Variants in DDX1 observed in about 807,000 individuals in gnomAD.
The protein encoded by DDX1 is ATP-dependent RNA helicase DDX1.
DDX1 carries 28 observed loss-of-function variants against 108.7 expected under a neutral mutation model. That is an observed-to-expected ratio of 0.26 (90% CI 0.19 to 0.35). The LOEUF (loss-of-function observed/expected upper bound fraction) is 0.35. Ranked by LOEUF, DDX1 falls within the 10% of genes least tolerant of loss-of-function variation. The probability of loss-of-function intolerance (pLI) is 1.00; values close to 1 mark genes in which losing one functional copy is unlikely to be tolerated. For missense variants in DDX1, 710 were observed against 884.5 expected (o/e 0.80, Z 2.50); for synonymous variants, 295 against 288.9 (o/e 1.02, Z -0.21).
chr2:15,603,463 T>C (rs1665618483), intron 8 of DDX1, among the ~76,000 whole-genome samples, 188 bp downstream of exon 8: 1 of 152,206 alleles, frequency 6.6e-6, no homozygotes, highest in Non-Finnish European at 1.5e-5. Context: ...GTACAGATAT[T>C]ATAGCAGTAT....
In DDX1 at chr2:15,627,151, G is replaced by A. The variant is rs1225630892; in HGVS notation, c.1686+6G>A. The A allele has an allele frequency of 6.5e-7, 1 of 1,533,312 alleles. No homozygotes were observed. The highest frequency in any genetic ancestry group is 1.4e-5 in the African/African-American group (1 of 73,036). The allele number at this position is 1,533,312 out of a possible 1,614,324, so 95.0% of individuals were successfully genotyped here. The stretch of plus-strand genomic sequence containing the variant: ...AAAACTTGGAAAGATTTAAGGTACT[G>A]ATACATAGTTGATTGTTTCCTTAAT... On this transcript the variant is annotated splice_donor_region_variant and intron_variant, in intron 20 of 25. Transcript: ENST00000233084.
chr2:15,613,998 G>A (rs1042896516), intron 14 of DDX1, among the ~76,000 whole-genome samples: 2 of 152,010 alleles, frequency 1.3e-5, no homozygotes, highest in African/African-American at 4.8e-5. Flanking sequence ...CACCATGTTG[G>A]CTGATTTTTT....
At position 15,611,310 on chromosome 2, in the gene DDX1, C is replaced by T. The variant is rs866378785; in HGVS notation, c.957-1914C>T. On this transcript the variant is annotated intron_variant, in intron 13 of 25. Transcript: ENST00000233084. ...CTACTACACAAACACGGCAACCATC[C>T]GATTTCCCACTCTTTTCCCCACCTC... 2.1e-3 allele frequency among the ~76,000 whole-genome samples: 301 copies of T among 142,102 alleles called. 4 individuals are homozygous for T. Among genetic ancestry groups the T allele is most frequent in the African/African-American group, 8.2e-3 (285 of 34,642 alleles). The allele number at this position is 142,102 out of a possible 152,430, so 93.2% of individuals were successfully genotyped here. A position where few individuals can be genotyped will look rare whatever the true frequency, so the allele number is the denominator to read the frequency against.
intron 19 of DDX1, 57 bp downstream of exon 19, chr2:15,623,639 A>G: frequency 1.4e-6 from 2 of 1,448,564 alleles, no homozygotes. Context: ...ATAGATTATT[A>G]ATCTCATGTT....
intron 19 of DDX1, among the ~76,000 whole-genome samples, chr2:15,625,954 GTACT>G (rs372146859): frequency 6.3e-4 from 96 of 151,808 alleles, no homozygotes; most frequent in African/African-American, 2.2e-3. Context: ...CTGTTTTGTA[GTACT>G]TAATTTTCTT....
chr2:15,596,637 C>G, intron 3 of DDX1, 97 bp from the exon 4 acceptor site: 1 of 1,033,282 alleles, frequency 9.7e-7, no homozygotes, highest in East Asian at 2.4e-5. Context: ...TAAAGGTAGC[C>G]AGTCAAATGT....
intron 13 of DDX1, among the ~76,000 whole-genome samples, chr2:15,611,696 C>A: frequency 9.0e-6 from 1 of 111,364 alleles, no homozygotes; most frequent in African/African-American, 4.5e-5. Flanking sequence ...GGGGCTGACC[C>A]CCCCACCTCC....
chr2:15,629,697 G>C lies in DDX1; in HGVS notation c.1971G>C (p.Gln657His). The part of the protein sequence containing the change: ...GGCTIWYNEM[Q>H]LLSEIEEHLN... ...GTACCATATGGTACAACGAGATGCA[G>C]GTAAGACTTCGAGTTAGGCTCACAA... Residue 657 changes from glutamine (Q) to histidine (H), a missense_variant and splice_region_variant, in exon 24 of 26, where the codon CAG becomes CAC. Gln to His is a conservative substitution (Grantham distance 24). This residue lies in a region of DDX1 where 661 missense variants were observed against 810.2 expected (regional missense o/e 0.82). Coordinates refer to ENST00000233084, the MANE Select transcript of DDX1 (RefSeq NM_004939.3). The C allele has an allele frequency of 6.4e-7, 1 of 1,557,736 alleles. No homozygotes were observed. Among genetic ancestry groups the C allele is most frequent in the African/African-American group, 1.4e-5 (1 of 71,368 alleles).
Position 15,623,574 on chromosome 2 carries a change from A to G in DDX1, c.1586A>G (p.Gln529Arg). 6.2e-7 allele frequency: 1 copy of G among 1,612,928 alleles called. No homozygotes were observed. Among genetic ancestry groups the G allele is most frequent in the Non-Finnish European group, 8.5e-7 (1 of 1,179,272 alleles). ...AACTTGGAGCAGTACTTTATACAAC[A>G]AGGAGGAGGTAATTTTTTCTCACTT... ...CDNLEQYFIQ[Q>R]GGGPDKKGHQ... is the part of the protein sequence containing the mutation. The change falls in exon 19 of 26, where the codon CAA becomes CGA. Residue 529 changes from glutamine to arginine, a missense_variant. By Grantham distance (43) the Gln-to-Arg change is conservative. This residue lies in a region of DDX1 where 661 missense variants were observed against 810.2 expected (regional missense o/e 0.82). Transcript: ENST00000233084.
rs138947611 is a variant in DDX1 at position 15,607,398 on chromosome 2, T to C, written c.956+85T>C. 4.3e-4 allele frequency: 555 copies of C among 1,297,022 alleles called. 1 individual carries two copies. The African/African-American group carries it at 7.4e-3, about 17-fold the overall frequency. 80.3% of individuals were successfully genotyped at this position (1,297,022 alleles called of 1,614,324 possible). A position where few individuals can be genotyped will look rare whatever the true frequency, so the allele number is the denominator to read the frequency against. On this transcript the variant is annotated intron_variant, in intron 13 of 25. Coordinates refer to ENST00000233084, the MANE Select transcript of DDX1 (RefSeq NM_004939.3). The stretch of plus-strand genomic sequence containing the variant: ...AAGAATAAGGTAGAGAAAAATGAAG[T>C]AGAAATTCAGTGTGTATACATAATA...
At chr2:15,614,113 G>A (rs1665851563) in intron 14 of DDX1, among the ~76,000 whole-genome samples, 1 of 152,150 alleles carries the variant, frequency 6.6e-6, no homozygotes, top group Non-Finnish European at 1.5e-5. Context: ...GAACTACTGC[G>A]CCTGGCCGAA....
intron 6 of DDX1, among the ~76,000 whole-genome samples, chr2:15,600,810 G>A (rs974977366): frequency 2.2e-5 from 3 of 136,468 alleles, no homozygotes; most frequent in African/African-American, 5.7e-5. Flanking sequence ...GTGCAGTGGC[G>A]CGATCTCAGC....
At chr2:15,611,473 T>TC (rs1665753944) in intron 13 of DDX1, among the ~76,000 whole-genome samples, 2 of 125,532 alleles carry the variant, frequency 1.6e-5, no homozygotes, top group Non-Finnish European at 3.3e-5. Flanking sequence ...GGGCAGAGGC[T>TC]CCCCCCACCT....
intron 13 of DDX1, among the ~76,000 whole-genome samples, chr2:15,611,489 A>T (rs1168582712): frequency 4.9e-5 from 7 of 142,390 alleles, no homozygotes; most frequent in African/African-American, 1.9e-4. Flanking sequence ...CACCTCCCGG[A>T]CGGGGCGGCT....
At chr2:15,597,044 A>C (rs1558450367) in intron 4 of DDX1, among the ~76,000 whole-genome samples, 1 of 152,228 alleles carries the variant, frequency 6.6e-6, no homozygotes, top group Non-Finnish European at 1.5e-5. Flanking sequence ...TTAAAATAAA[A>C]AGGTTACATA....
intron 14 of DDX1, among the ~76,000 whole-genome samples, chr2:15,614,707 C>A (rs1665865738): frequency 6.6e-6 from 1 of 152,160 alleles, no homozygotes; most frequent in Non-Finnish European, 1.5e-5. Flanking sequence ...TTGAACTTCC[C>A]CAAACCTCCA....
intron 14 of DDX1, among the ~76,000 whole-genome samples, chr2:15,615,389 C>T (rs1374547615): frequency 2.0e-5 from 3 of 152,150 alleles, no homozygotes; most frequent in Admixed American, 2.0e-4. Context: ...AGGAAACTCA[C>T]GTGGTTAGAA....
At chr2:15,617,395 A>G (rs978362078) in intron 15 of DDX1, 53 bp downstream of exon 15, 2 of 973,694 alleles carry the variant, frequency 2.1e-6, no homozygotes, top group Non-Finnish European at 3.0e-6. Flanking sequence ...ATTTTTTGAG[A>G]TAAAATATAT....
In DDX1 at chr2:15,611,720, C is replaced by T. The variant is rs1259098140; in HGVS notation, c.957-1504C>T. ...CCCCCCACCTCCCTCCCGGACGGGG[C>T]GACTGGCCGGGCGGGGGGCTGACCC... On this transcript the variant is annotated intron_variant, in intron 13 of 25. Coordinates refer to ENST00000233084, the MANE Select transcript of DDX1 (RefSeq NM_004939.3). Among the ~76,000 whole-genome samples, 49 of 102,798 alleles carry T rather than the reference C, an allele frequency of 4.8e-4. 2 individuals are homozygous for T. Among genetic ancestry groups the T allele is most frequent in the Non-Finnish European group, 7.4e-4 (38 of 51,312 alleles). The allele number at this position is 102,798 out of a possible 152,430, so 67.4% of individuals were successfully genotyped here.
Sources: gnomAD v4.1 joint callset for allele counts (sites outside exome capture counted in the v4.1 genomes callset) on GRCh38, gnomAD v4.1.1 for gene constraint, gnomAD v4.1.1 regional missense constraint, MANE v1.5 for transcripts, NCBI Gene and HGNC (gene_info 2026-07-23, HGNC 2026-07-21) for gene names.